Variants in ANXA6 observed in about 807,000 individuals in gnomAD.
The protein encoded by ANXA6 is 67 kDa calelectrin.
A neutral mutation model predicts 95.4 loss-of-function variants in ANXA6; 71 were observed. The ratio of observed to expected loss-of-function variants is 0.74; its 90% CI spans 0.61 to 0.91. The LOEUF is 0.91. Among genes scored for constraint, ANXA6 ranks in the 40% least tolerant of loss-of-function variants. The pLI, the probability that ANXA6 is intolerant of heterozygous loss-of-function variation, is 0.00. For missense variants in ANXA6, 830 were observed against 876.4 expected, an observed-to-expected ratio of 0.95 and a Z score of 0.67; for synonymous variants, 289 against 315.9, an observed-to-expected ratio of 0.91 and a Z score of 0.90.
chr5:151,109,161 C>T (rs1764780741), intron 22 of ANXA6, among the ~76,000 whole-genome samples: 1 of 152,102 alleles, frequency 6.6e-6, no homozygotes, highest in African/African-American at 2.4e-5. Context: ...CCGTCCAGTG[C>T]CCAAGTCCAT....
Position 151,139,367 on chromosome 5 carries a change from A to G in ANXA6, c.190T>C (p.Ser64Pro). The change falls in exon 4 of 26, where the codon TCC (serine) becomes CCC (proline). Residue 64 changes from serine to proline, a missense_variant. Coordinates refer to ENST00000354546, the MANE Select transcript of ANXA6 (RefSeq NM_001155.5). ...QRQEVCQSYK[S>P]LYGKDLIADL... The stretch of plus-strand genomic sequence containing the variant: ...GCTGTGGTTACCTTGCCGTAGAGGG[A>G]CTTGTAGCTCTGGCAGACCTCCTGC... 6.2e-7 allele frequency: 1 copy of G among 1,611,790 alleles called. No individual in the cohort carries two copies. Among genetic ancestry groups the G allele is most frequent in the Non-Finnish European group, 8.5e-7 (1 of 1,178,710 alleles).
At chr5:151,143,631 C>T (rs965753776) in intron 2 of ANXA6, among the ~76,000 whole-genome samples, 9 of 151,984 alleles carry the variant, frequency 5.9e-5, no homozygotes, top group East Asian at 1.9e-4. Context: ...GTGGCAGATA[C>T]GATGCTAAGG....
chr5:151,138,716 C>T lies in ANXA6; in HGVS notation c.280G>A (p.Ala94Thr), dbSNP rs764454154. The change falls in exon 5 of 26, where the codon GCC (alanine) becomes ACC (threonine). Residue 94 changes from alanine to threonine, a missense_variant. By Grantham distance (58) the Ala-to-Thr change is moderately conservative. Transcript: ENST00000354546. The stretch of plus-strand genomic sequence containing the variant: ...TTAATTTCTTTGGCATCACAATAGG[C>T]AGGTGGCCTCATCAGGCCCACAATC... ...RLIVGLMRPP[A>T]YCDAKEIKDA... 6.2e-7 allele frequency: 1 copy of T among 1,613,854 alleles called. No homozygotes were observed. The highest frequency in any genetic ancestry group is 8.5e-7 in the Non-Finnish European group (1 of 1,179,780).
At chr5:151,120,005 A>C (rs527706084) in intron 17 of ANXA6, among the ~76,000 whole-genome samples, 18 of 152,208 alleles carry the variant, frequency 1.2e-4, no homozygotes, top group South Asian at 2.1e-4. Context: ...TCAGCCTCCC[A>C]AGTAGCTGGG....
At chr5:151,114,613 T>TAAAAAAAA (rs61407672) in intron 20 of ANXA6, among the ~76,000 whole-genome samples, 1,594 of 70,290 alleles carry the variant, frequency 0.023, 107 homozygotes, top group East Asian at 0.035. Flanking sequence ...GACTCCGTCT[T>TAAAAAAAA]AAAAAAAAAA....
intron 1 of ANXA6, among the ~76,000 whole-genome samples, chr5:151,149,021 A>T (rs12374593): frequency 0.053 from 7,452 of 139,644 alleles, 229 homozygotes; most frequent in Non-Finnish European, 0.075. Context: ...TTAAAAAAAA[A>T]TAAAAAAAAA....
At chr5:151,121,931 G>C (rs1765179514) in intron 17 of ANXA6, among the ~76,000 whole-genome samples, 1 of 152,208 alleles carries the variant, frequency 6.6e-6, no homozygotes, top group Non-Finnish European at 1.5e-5. Flanking sequence ...GGTGAGCCAA[G>C]GGTCCACAGA....
chr5:151,132,537 C>T lies in ANXA6; in HGVS notation c.675G>A (p.Pro225=), dbSNP rs373984263. Residue 225 remains proline, a synonymous_variant, in exon 10 of 26, where the codon CCG becomes CCA. Transcript: ENST00000354546. The stretch of plus-strand genomic sequence containing the variant: ...GCTCCCCTCGGATGCTGGCTTCAAT[C>T]GGCTTCCCTGTGGTCTTCAGATACT... ...FDEYLKTTGK[P]IEASIRGELS... The T allele has an allele frequency of 5.2e-5, 84 of 1,613,330 alleles. No individual in the cohort carries two copies. Among genetic ancestry groups the T allele is most frequent in the Admixed American group, 8.3e-5 (5 of 59,952 alleles).
intron 20 of ANXA6, among the ~76,000 whole-genome samples, chr5:151,113,545 G>A (rs948813215): frequency 6.6e-6 from 1 of 152,010 alleles, no homozygotes; most frequent in African/African-American, 2.4e-5. Flanking sequence ...TAACAGAAAA[G>A]AATCCAAAGT....
chr5:151,110,579 A>T (rs1382624266), intron 21 of ANXA6, 48 bp downstream of exon 21: 2 of 1,604,134 alleles, frequency 1.2e-6, no homozygotes, highest in African/African-American at 2.7e-5. Flanking sequence ...GTAAAGGCGG[A>T]CTTTACTCAG....
intron 1 of ANXA6, chr5:151,151,002 C>T (rs1766094347): frequency 6.6e-6 from 1 of 152,216 alleles, no homozygotes; most frequent in African/African-American, 2.4e-5. Flanking sequence ...TGGAGGAGCT[C>T]CCCTTTCCAA....
At chr5:151,117,608 C>A (rs139583099) in intron 19 of ANXA6, 150 bp downstream of exon 19, 6 of 680,380 alleles carry the variant, frequency 8.8e-6, no homozygotes, top group Admixed American at 7.0e-5. Flanking sequence ...CAGGGGTAGG[C>A]GGTGGAACTC....
chr5:151,148,973 G>A (rs1411409522), intron 1 of ANXA6, among the ~76,000 whole-genome samples: 6 of 151,382 alleles, frequency 4.0e-5, no homozygotes, highest in African/African-American at 1.5e-4. Flanking sequence ...CCAGGAGTTC[G>A]AGACCAGCCT....
rs1014400642 is a variant in ANXA6, at chr5:151,108,346, G to A, written c.1780+109C>T. ...GCACCCCTGGAGGCGAACTGTGACA[G>A]TGTTTACTTTCCAGTAGTAGCTTCG... On this transcript the variant is annotated intron_variant, in intron 23 of 25. Coordinates refer to ENST00000354546, the MANE Select transcript of ANXA6 (RefSeq NM_001155.5). 4.0e-6 allele frequency: 4 copies of A among 997,802 alleles called. No individual in the cohort carries two copies. In the African/African-American group the frequency reaches 6.4e-5, roughly 16 times the overall value. The allele number at this position is 997,802 out of a possible 1,614,324, so 61.8% of individuals were successfully genotyped here. A position where few individuals can be genotyped will look rare whatever the true frequency, so the allele number is the denominator to read the frequency against.
intron 2 of ANXA6, 92 bp from the exon 3 acceptor site, chr5:151,140,335 A>G (rs905611234): frequency 3.7e-6 from 4 of 1,077,710 alleles, no homozygotes; most frequent in African/African-American, 3.1e-5. Context: ...ACCCTGGTCC[A>G]GGCTGAGCTG....
chr5:151,156,670 A>G (rs903358878), intron 1 of ANXA6, among the ~76,000 whole-genome samples: 4 of 151,992 alleles, frequency 2.6e-5, no homozygotes, highest in Non-Finnish European at 4.4e-5. Flanking sequence ...TAGGGAAAGG[A>G]AGGAGGAGGC....
chr5:151,118,494 C>T (rs1333360461), intron 18 of ANXA6, among the ~76,000 whole-genome samples: 6 of 152,044 alleles, frequency 3.9e-5, no homozygotes, highest in East Asian at 1.9e-4. Context: ...AGTGCAGTGG[C>T]GTGATATCGG....
intron 11 of ANXA6, among the ~76,000 whole-genome samples, chr5:151,130,266 ACT>A (rs1765458800): frequency 6.7e-6 from 1 of 149,434 alleles, no homozygotes; most frequent in African/African-American, 2.5e-5. Flanking sequence ...GCAGGGTCTC[ACT>A]CTGTTGTCCA....
In ANXA6 at chr5:151,126,392, A is replaced by G. The variant is rs749816603; in HGVS notation, c.1056+10T>C. On this transcript the variant is annotated intron_variant, in intron 14 of 25. Transcript: ENST00000354546. Reference sequence around the variant, plus strand: ...TCAAGAGGTCAAGCAGGAGGAGGGGAAGGTCTGACCTCTACTCGGGCCACT... The same window carrying G: ...TCAAGAGGTCAAGCAGGAGGAGGGGGAGGTCTGACCTCTACTCGGGCCACT... 4.3e-5 allele frequency: 69 copies of G among 1,603,428 alleles called. No individual in the cohort carries two copies. Among genetic ancestry groups the G allele is most frequent in the Non-Finnish European group, 5.7e-5 (67 of 1,174,374 alleles).
Sources: gnomAD v4.1 joint callset for allele counts (sites outside exome capture counted in the v4.1 genomes callset) on GRCh38, gnomAD v4.1.1 for gene constraint, MANE v1.5 for transcripts, NCBI Gene and HGNC (gene_info 2026-07-23, HGNC 2026-07-21) for gene names.